Variants in TSHZ2 observed in about 807,000 individuals in gnomAD.
TSHZ2 encodes teashirt zinc finger homeobox 2.
Under a neutral mutation model 74.4 loss-of-function variants are expected in TSHZ2, and 21 were observed. That is an observed-to-expected ratio of 0.28 (90% CI 0.20 to 0.41). The LOEUF (loss-of-function observed/expected upper bound fraction) is 0.41, where lower values mean the gene tolerates loss of function less well. Ranked by LOEUF, TSHZ2 falls within the 10% of genes least tolerant of loss-of-function variation. TSHZ2 has a pLI of 1.00. For missense variants in TSHZ2, 1,244 were observed against 1,293.5 expected (o/e 0.96, Z 0.59); for synonymous variants, 540 against 515.3 (o/e 1.05, Z -0.65).
At chr20:53,039,313 T>C (rs79769477) in intron 1 of TSHZ2, among the ~76,000 whole-genome samples, 1 of 151,842 alleles carries the variant, frequency 6.6e-6, no homozygotes, top group African/African-American at 2.4e-5. Context: ...CAGAGAACTT[T>C]CCACACTCTT....
At position 53,254,326 on chromosome 20, in the gene TSHZ2, T is replaced by C. The variant is rs141028930; in HGVS notation, c.868T>C (p.Leu290=). ...CGACTCCTTTGATTCCCTCCAAGAT[T>C]TGAGCGTCCACATGATTAAAACAAA... ...CGDSFDSLQD[L]SVHMIKTKHY... Residue 290 remains leucine, a synonymous_variant, in exon 2 of 3, where the codon TTG becomes CTG. Transcript: ENST00000371497. The C allele has an allele frequency of 1.2e-6, 2 of 1,614,116 alleles. No homozygotes were observed. Among genetic ancestry groups the C allele is most frequent in the Non-Finnish European group, 1.7e-6 (2 of 1,180,006 alleles).
chr20:53,081,678 T>G (rs1306962799), intron 1 of TSHZ2, among the ~76,000 whole-genome samples: 1 of 152,228 alleles, frequency 6.6e-6, no homozygotes, highest in Non-Finnish European at 1.5e-5. Context: ...TATAAATTTT[T>G]TCACCATTTA....
chr20:53,110,849 G>A (rs1302224312), intron 1 of TSHZ2, among the ~76,000 whole-genome samples: 3 of 152,152 alleles, frequency 2.0e-5, no homozygotes, highest in Non-Finnish European at 4.4e-5. Context: ...TTGGGGAACT[G>A]TTGATGGTTC....
intron 1 of TSHZ2, among the ~76,000 whole-genome samples, chr20:53,054,646 C>G (rs1984579999): frequency 6.6e-6 from 1 of 152,138 alleles, no homozygotes; most frequent in South Asian, 2.1e-4. Flanking sequence ...AGGAGGGGTT[C>G]TAGTGTGCCA....
intron 1 of TSHZ2, chr20:53,178,186 C>T (rs1988389396): frequency 1.3e-5 from 2 of 152,248 alleles, no homozygotes; most frequent in Admixed American, 1.3e-4. Context: ...AGGACCCTAT[C>T]ATCTCTTGGA....
intron 1 of TSHZ2, among the ~76,000 whole-genome samples, chr20:53,153,217 T>G (rs1167766169): frequency 1.3e-5 from 2 of 152,150 alleles, no homozygotes; most frequent in African/African-American, 4.8e-5. Context: ...ATCCTATAGC[T>G]CTGTAGCGAG....
intron 2 of TSHZ2, among the ~76,000 whole-genome samples, chr20:53,419,085 T>C (rs1189677328): frequency 6.6e-6 from 1 of 152,196 alleles, no homozygotes; most frequent in East Asian, 1.9e-4. Flanking sequence ...CATCGGGAAG[T>C]TGGCGCTAAT....
chr20:53,453,403 G>A (rs892351431), intron 2 of TSHZ2, among the ~76,000 whole-genome samples: 1 of 152,138 alleles, frequency 6.6e-6, no homozygotes, highest in Non-Finnish European at 1.5e-5. Context: ...TGATGACTGG[G>A]CCCTGATTTA....
At chr20:53,010,937 G>T (rs996576938) in intron 1 of TSHZ2, among the ~76,000 whole-genome samples, 2 of 151,912 alleles carry the variant, frequency 1.3e-5, no homozygotes, top group Non-Finnish European at 2.9e-5. Context: ...TTATTACGTT[G>T]TCTCTGTAAG....
At chr20:53,248,421 A>G (rs1486412171) in intron 1 of TSHZ2, among the ~76,000 whole-genome samples, 1 of 152,196 alleles carries the variant, frequency 6.6e-6, no homozygotes, top group African/African-American at 2.4e-5. Flanking sequence ...AAAATAAAAT[A>G]TAAGGGTTTA....
intron 1 of TSHZ2, among the ~76,000 whole-genome samples, chr20:53,230,351 T>C (rs1989793229): frequency 6.6e-6 from 1 of 152,196 alleles, no homozygotes; most frequent in African/African-American, 2.4e-5. Flanking sequence ...GCTTTATTTC[T>C]TCTCCTTTTC....
chr20:53,348,469 C>A (rs1249236308), intron 2 of TSHZ2, among the ~76,000 whole-genome samples: 1 of 151,728 alleles, frequency 6.6e-6, no homozygotes, highest in East Asian at 1.9e-4. Context: ...TAGTCAAGAA[C>A]CATGGATAAC....
rs560988912 is a variant in TSHZ2, at chr20:53,411,139, G to A, written c.*9-76005G>A. On this transcript the variant is annotated intron_variant, in intron 2 of 2. Transcript: ENST00000371497. ...TTGGGGGTATCTTCTTCTATAAGACGGGAAGTGGGGCCTTCATGTCACAGA... is the reference window on the plus strand; with the variant it reads ...TTGGGGGTATCTTCTTCTATAAGACAGGAAGTGGGGCCTTCATGTCACAGA... Among the ~76,000 whole-genome samples, 7 of 152,202 alleles carry A rather than the reference G, an allele frequency of 4.6e-5. No individual in the cohort carries two copies. The East Asian group carries it at 5.8e-4, about 13-fold the overall frequency.
chr20:53,310,444 C>T lies in TSHZ2; in HGVS notation c.*8+53873C>T, dbSNP rs529435722. Among the ~76,000 whole-genome samples, 126 of 152,290 alleles carry T rather than the reference C, an allele frequency of 8.3e-4. No homozygotes were observed. In the Middle Eastern group the frequency reaches 0.01, roughly 12 times the overall value. ...CCCCAAACTTAATGGCTTTAAACAA[C>T]ATGTTTATTATTTCACAGTTTCTGT... On this transcript the variant is annotated intron_variant, in intron 2 of 2. Transcript: ENST00000371497.
intron 2 of TSHZ2, among the ~76,000 whole-genome samples, chr20:53,303,718 A>G (rs1030060112): frequency 1.3e-5 from 2 of 152,200 alleles, no homozygotes; most frequent in African/African-American, 2.4e-5. Flanking sequence ...ATGTCTATGG[A>G]CAAGAGAAGC....
chr20:53,091,132 A>G (rs1985873810), intron 1 of TSHZ2, among the ~76,000 whole-genome samples: 1 of 152,218 alleles, frequency 6.6e-6, no homozygotes, highest in Admixed American at 6.5e-5. Context: ...CTTGTGTAAA[A>G]TGAGGACCAC....
chr20:53,113,772 G>T (rs1335919569), intron 1 of TSHZ2, among the ~76,000 whole-genome samples: 1 of 152,040 alleles, frequency 6.6e-6, no homozygotes, highest in Non-Finnish European at 1.5e-5. Flanking sequence ...AATACCTTAG[G>T]CATCTCCTCT....
chr20:53,124,828 C>T (rs547710798), intron 1 of TSHZ2, among the ~76,000 whole-genome samples: 1 of 152,158 alleles, frequency 6.6e-6, no homozygotes, highest in African/African-American at 2.4e-5. Context: ...CAGACACAGC[C>T]AGGGAGTGGG....
chr20:53,313,481 G>C (rs1399883164), intron 2 of TSHZ2, among the ~76,000 whole-genome samples: 1 of 152,204 alleles, frequency 6.6e-6, no homozygotes, highest in Non-Finnish European at 1.5e-5. Context: ...AAAAGGAGTT[G>C]TTTGACTTCA....
Sources: gnomAD v4.1 joint callset for allele counts (sites outside exome capture counted in the v4.1 genomes callset) on GRCh38, gnomAD v4.1.1 for gene constraint, MANE v1.5 for transcripts, NCBI Gene and HGNC (gene_info 2026-07-23, HGNC 2026-07-21) for gene names.